Variants in CCT3 observed in about 807,000 individuals in gnomAD.
CCT3 encodes the protein T-complex protein 1 subunit gamma.
Under a neutral mutation model 65.3 loss-of-function variants are expected in CCT3, and 10 were observed. The observed-to-expected ratio is 0.15, with a 90% CI of 0.09 to 0.26. CCT3 has a LOEUF of 0.26. Ranked by LOEUF, CCT3 falls within the 10% of genes least tolerant of loss-of-function variation. CCT3 has a pLI of 1.00. For missense variants in CCT3, 626 were observed against 708.7 expected (o/e 0.88, Z 1.33); for synonymous variants, 225 against 242.3 (o/e 0.93, Z 0.66).
chr1:156,325,226 C>T, intron 5 of CCT3, 137 bp from the exon 6 acceptor site: 5 of 663,926 alleles, frequency 7.5e-6, no homozygotes, highest in Non-Finnish European at 1.4e-5. Flanking sequence ...TCATACTATT[C>T]CAAATTCTAC....
intron 10 of CCT3, among the ~76,000 whole-genome samples, chr1:156,315,033 A>C (rs945576887): frequency 6.6e-6 from 1 of 152,158 alleles, no homozygotes; most frequent in African/African-American, 2.4e-5. Context: ...ATTGAGTTAC[A>C]CTGAGTGTGC....
Position 156,317,153 on chromosome 1 carries a change from C to G in CCT3, c.974+13G>C. 2 of 1,610,604 alleles carry G rather than the reference C, an allele frequency of 1.2e-6. No individual in the cohort carries two copies. The highest frequency in any genetic ancestry group is 1.1e-5 in the South Asian group (1 of 90,960). ...ACGGGAAGAAAAGTCTTGTTTTTACCTGGCCTACTCACCTAGCAATGCGAT... is the reference window on the plus strand; with the variant it reads ...ACGGGAAGAAAAGTCTTGTTTTTACGTGGCCTACTCACCTAGCAATGCGAT... On this transcript the variant is annotated intron_variant, in intron 10 of 13. Coordinates refer to ENST00000295688, the MANE Select transcript of CCT3 (RefSeq NM_005998.5).
intron 13 of CCT3, among the ~76,000 whole-genome samples, chr1:156,310,037 CAAAAAAAAAAAAAAA>C (rs71080758): frequency 6.5e-5 from 5 of 76,494 alleles, no homozygotes; most frequent in Non-Finnish European, 9.3e-5. Context: ...TAGTCTGTTT[CAAAAAAAAAAAAAAA>C]AAAAAAAAAA....
intron 10 of CCT3, among the ~76,000 whole-genome samples, chr1:156,316,410 G>A (rs1292018294): frequency 6.6e-6 from 1 of 152,024 alleles, no homozygotes; most frequent in Non-Finnish European, 1.5e-5. Flanking sequence ...AATGAATGTA[G>A]GACTAATTGC....
chr1:156,310,684 C>G lies in CCT3; in HGVS notation c.1407G>C (p.Lys469Asn). 1 of 1,612,648 alleles carries G rather than the reference C, an allele frequency of 6.2e-7. No individual in the cohort carries two copies. Residue 469 changes from lysine to asparagine, a missense_variant, in exon 13 of 14, where the codon AAG becomes AAC. Physicochemically the swap from Lys to Asn is moderately conservative, Grantham distance 94 (BLOSUM62 0). Transcript: ENST00000295688. ...TIRLLTSLRA[K>N]HTQENCETWG... The stretch of plus-strand genomic sequence containing the variant: ...AGGTCTCACAGTTCTCCTGGGTGTG[C>G]TTGGCCTGCAATTGAAGCAAGAAGT...
chr1:156,329,568 G>A (rs1380556673), intron 5 of CCT3, among the ~76,000 whole-genome samples: 2 of 151,362 alleles, frequency 1.3e-5, no homozygotes, highest in Non-Finnish European at 2.9e-5. Context: ...GCCTCCCAAA[G>A]TGCTGGGATT....
At chr1:156,326,649 C>CAAAAAAAAAAAAAAAAAAA (rs760908966) in intron 5 of CCT3, among the ~76,000 whole-genome samples, 6 of 65,686 alleles carry the variant, frequency 9.1e-5, no homozygotes, top group African/African-American at 1.3e-4. Flanking sequence ...GACTCCATCT[C>CAAAAAAAAAAAAAAAAAAA]AAAAAAAAAA....
intron 11 of CCT3, 79 bp from the exon 12 acceptor site, chr1:156,311,274 T>G: frequency 6.9e-7 from 1 of 1,445,138 alleles, no homozygotes. Flanking sequence ...ACTTCCTAAC[T>G]GCCAAAGTTA....
intron 5 of CCT3, among the ~76,000 whole-genome samples, chr1:156,328,737 T>C (rs1007225066): frequency 3.9e-5 from 6 of 152,136 alleles, no homozygotes; most frequent in Non-Finnish European, 7.4e-5. Flanking sequence ...AGCAGGGTCC[T>C]CTGCCCAGGA....
chr1:156,336,720 CATA>C (rs1366641422), intron 1 of CCT3, among the ~76,000 whole-genome samples: 2 of 152,142 alleles, frequency 1.3e-5, no homozygotes, highest in Admixed American at 6.6e-5. Flanking sequence ...ACCAAACCAA[CATA>C]ATGTTTATTT....
chr1:156,320,728 G>C, intron 7 of CCT3, 111 bp downstream of exon 7: 1 of 834,312 alleles, frequency 1.2e-6, no homozygotes, highest in Non-Finnish European at 1.9e-6. Context: ...GTGAGACTCT[G>C]TCTCAAAAAC....
chr1:156,322,317 T>C (rs1664589813), intron 6 of CCT3, among the ~76,000 whole-genome samples: 2 of 149,324 alleles, frequency 1.3e-5, no homozygotes, highest in Non-Finnish European at 1.5e-5. Flanking sequence ...ACCAATATGG[T>C]GAAACCCCAT....
At chr1:156,321,168 A>T in intron 6 of CCT3, 143 bp from the exon 7 acceptor site, 1 of 641,276 alleles carries the variant, frequency 1.6e-6, no homozygotes, top group South Asian at 2.2e-5. Flanking sequence ...CTAAAAGGAC[A>T]TTAGGAGGTA....
chr1:156,337,801 A>C lies in CCT3; in HGVS notation c.31+353T>G, dbSNP rs200126689. ...AAAGCTAGACCTAACTGAAAAAAAA[A>C]CAAAAAAAAACGTTATTCGTGCAGC... On this transcript the variant is annotated intron_variant, in intron 1 of 13. Coordinates refer to ENST00000295688, the MANE Select transcript of CCT3 (RefSeq NM_005998.5). The C allele has an allele frequency of 1.3e-4, 42 of 332,124 alleles. 1 individual carries two copies. Among genetic ancestry groups the C allele is most frequent in the African/African-American group, 7.9e-4 (36 of 45,626 alleles). 20.6% of individuals were successfully genotyped at this position (332,124 alleles called of 1,614,324 possible).
intron 5 of CCT3, among the ~76,000 whole-genome samples, chr1:156,328,728 G>C (rs982790044): frequency 6.6e-6 from 1 of 152,098 alleles, no homozygotes; most frequent in Non-Finnish European, 1.5e-5. Context: ...GCGGAAGGCA[G>C]CAGGGTCCTC....
Position 156,338,249 on chromosome 1 carries a change from G to T in CCT3, c.-65C>A. 1 of 1,316,820 alleles carries T rather than the reference G, an allele frequency of 7.6e-7. No individual in the cohort carries two copies. Among genetic ancestry groups the T allele is most frequent in the Non-Finnish European group, 1.1e-6 (1 of 937,314 alleles). 81.6% of individuals were successfully genotyped at this position (1,316,820 alleles called of 1,614,324 possible). A position where few individuals can be genotyped will look rare whatever the true frequency, so the allele number is the denominator to read the frequency against. On this transcript the variant is annotated 5_prime_UTR_variant, in exon 1 of 14. Transcript: ENST00000295688. Reference sequence around the variant, plus strand: ...ACCGGCAGAACCTTCTGGAGAGAGAGAACCAGACAGAAGCCCAGAAAACGC... The same window carrying T: ...ACCGGCAGAACCTTCTGGAGAGAGATAACCAGACAGAAGCCCAGAAAACGC...
chr1:156,311,319 T>G, intron 11 of CCT3, 124 bp from the exon 12 acceptor site: 1 of 853,220 alleles, frequency 1.2e-6, no homozygotes, highest in Non-Finnish European at 1.9e-6. Flanking sequence ...GAAAAGGTCC[T>G]TGGAACCCCT....
chr1:156,314,291 G>A (rs1033493354), intron 10 of CCT3, among the ~76,000 whole-genome samples: 1 of 152,136 alleles, frequency 6.6e-6, no homozygotes, highest in Non-Finnish European at 1.5e-5. Flanking sequence ...TTATGACAGA[G>A]CCAATCAAGG....
rs993257714 is a variant in CCT3, at chr1:156,327,448, G to A, written c.305-2359C>T. On this transcript the variant is annotated intron_variant, in intron 5 of 13. Coordinates refer to ENST00000295688, the MANE Select transcript of CCT3 (RefSeq NM_005998.5). ...TGCGATTGCAGGCGCGCGCCGCCAC[G>A]CCTGACTGGTTTTCGTATTTTTTTG... is the stretch of plus-strand genomic sequence containing the variant. Among the ~76,000 whole-genome samples, 209 of 152,064 alleles carry A rather than the reference G, an allele frequency of 1.4e-3. 1 individual carries two copies. Among genetic ancestry groups the A allele is most frequent in the Non-Finnish European group, 6.6e-4 (45 of 67,930 alleles).
Sources: gnomAD v4.1 joint callset for allele counts (sites outside exome capture counted in the v4.1 genomes callset) on GRCh38, gnomAD v4.1.1 for gene constraint, MANE v1.5 for transcripts, NCBI Gene and HGNC (gene_info 2026-07-23, HGNC 2026-07-21) for gene names.